DROSHA: variants seen among roughly 807,000 people sequenced by gnomAD.
DROSHA encodes drosha ribonuclease III.
Under a neutral mutation model 181.9 loss-of-function variants are expected in DROSHA, and 56 were observed. The ratio of observed to expected loss-of-function variants is 0.31; its 90% CI spans 0.25 to 0.38. DROSHA has a LOEUF of 0.38. Among genes scored for constraint, DROSHA ranks in the 10% least tolerant of loss-of-function variants. The pLI is 1.00. For missense variants in DROSHA, 1,218 were observed against 1,743.5 expected (o/e 0.70, Z 5.37); for synonymous variants, 524 against 591.2 (o/e 0.89, Z 1.65).
At chr5:31,461,598 T>G (rs1748408736) in intron 20 of DROSHA, among the ~76,000 whole-genome samples, 1 of 152,130 alleles carries the variant, frequency 6.6e-6, no homozygotes, top group Non-Finnish European at 1.5e-5. Flanking sequence ...CAGTTACCAC[T>G]TCAAACAGTT....
rs545917535 is a variant in DROSHA at position 31,526,164 on chromosome 5, C to A, written c.769G>T (p.Asp257Tyr). ...TACCGGCTGTCTTGTCTTCTCCTGT[C>A]GGGACTGCGGCCTCGCTCCCGCCGA... is the stretch of plus-strand genomic sequence containing the variant. The part of the protein sequence containing the change: ...LDRRERGRSP[D>Y]RRRQDSRYRS... Residue 257 changes from aspartate to tyrosine, a missense_variant, in exon 5 of 36, where the codon GAC becomes TAC. Asp to Tyr is a radical substitution (Grantham distance 160). Around this residue, in one of 8 missense-constraint regions of DROSHA, gnomAD observed 536 missense variants for 535.4 expected, o/e 1.00. Coordinates refer to ENST00000344624, the MANE Select transcript of DROSHA (RefSeq NM_001382508.1). 7 of 1,613,634 alleles carry A rather than the reference C, an allele frequency of 4.3e-6. No individual in the cohort carries two copies. Among genetic ancestry groups the A allele is most frequent in the Non-Finnish European group, 5.9e-6 (7 of 1,179,840 alleles).
chr5:31,489,276 T>A (rs906437094), intron 13 of DROSHA, among the ~76,000 whole-genome samples: 1 of 152,228 alleles, frequency 6.6e-6, no homozygotes, highest in African/African-American at 2.4e-5. Context: ...CTTGCTATCA[T>A]AGGAAAAAGC....
chr5:31,508,800 C>T lies in DROSHA; in HGVS notation c.1433-25G>A, dbSNP rs200455504. 5 of 1,590,772 alleles carry T rather than the reference C, an allele frequency of 3.1e-6. No individual in the cohort carries two copies. The African/African-American group carries it at 4.1e-5, about 13-fold the overall frequency. On this transcript the variant is annotated intron_variant, in intron 9 of 35. Coordinates refer to ENST00000344624, the MANE Select transcript of DROSHA (RefSeq NM_001382508.1). ...TCTAACAGGGGTTGGGAGAAAAATA[C>T]AGAAATTGATGGAATTAACAAACTG...
At chr5:31,510,350 C>A (rs1738529217) in intron 9 of DROSHA, among the ~76,000 whole-genome samples, 1 of 152,104 alleles carries the variant, frequency 6.6e-6, no homozygotes, top group South Asian at 2.1e-4. Flanking sequence ...CATCCAACTC[C>A]CAACTCAGGT....
intron 6 of DROSHA, among the ~76,000 whole-genome samples, chr5:31,519,535 T>G (rs144976339): frequency 6.6e-6 from 1 of 152,304 alleles, no homozygotes; most frequent in African/African-American, 2.4e-5. Flanking sequence ...ACCATGTTTT[T>G]AATTACCATG....
At chr5:31,428,168 AAC>A (rs1401519028) in intron 27 of DROSHA, among the ~76,000 whole-genome samples, 1 of 152,116 alleles carries the variant, frequency 6.6e-6, no homozygotes, top group Admixed American at 6.6e-5. Flanking sequence ...AAAGAATCTA[AAC>A]ACAGACTGAT....
intron 4 of DROSHA, 48 bp downstream of exon 4, chr5:31,528,992 C>T (rs770102793): frequency 1.1e-5 from 17 of 1,609,352 alleles, no homozygotes; most frequent in African/African-American, 1.3e-5. Flanking sequence ...AATGTCTGCT[C>T]CTCTCTCGGT....
At chr5:31,509,455 C>T (rs921588922) in intron 9 of DROSHA, among the ~76,000 whole-genome samples, 1 of 152,074 alleles carries the variant, frequency 6.6e-6, no homozygotes, top group South Asian at 2.1e-4. Flanking sequence ...GTGATAATTT[C>T]AAAGAAGGAG....
chr5:31,523,999 C>CA (rs74335989), intron 5 of DROSHA, among the ~76,000 whole-genome samples: 24 of 133,076 alleles, frequency 1.8e-4, no homozygotes, highest in Admixed American at 1.0e-3. Context: ...AAAAAAACAA[C>CA]AAAAAAAAAA....
chr5:31,479,555 A>T (rs1450476998), intron 16 of DROSHA, among the ~76,000 whole-genome samples: 4 of 152,196 alleles, frequency 2.6e-5, no homozygotes, highest in Non-Finnish European at 5.9e-5. Flanking sequence ...AAATTTCATA[A>T]ATATGATACA....
chr5:31,426,790 G>T (rs950879021), intron 27 of DROSHA, among the ~76,000 whole-genome samples: 2 of 152,108 alleles, frequency 1.3e-5, no homozygotes, highest in Admixed American at 1.3e-4. Context: ...AGCAAGAAAG[G>T]CCCTAACCAA....
intron 20 of DROSHA, among the ~76,000 whole-genome samples, chr5:31,462,643 G>GAA (rs397883162): frequency 1.2e-4 from 16 of 135,870 alleles, no homozygotes; most frequent in East Asian, 2.5e-4. Context: ...TTCACAAAAA[G>GAA]AAAAAAAAAG....
chr5:31,472,309 GA>G (rs901516348), intron 16 of DROSHA, 77 bp from the exon 17 acceptor site: 2 of 1,442,384 alleles, frequency 1.4e-6, no homozygotes, highest in Admixed American at 2.5e-5. Flanking sequence ...ACTGAATAAG[GA>G]AAAAAACAAG....
intron 20 of DROSHA, among the ~76,000 whole-genome samples, chr5:31,452,474 T>C (rs1747144715): frequency 1.3e-5 from 2 of 152,216 alleles, no homozygotes; most frequent in Admixed American, 1.3e-4. Flanking sequence ...GATAATTTCA[T>C]GGAAGTCATA....
intron 27 of DROSHA, among the ~76,000 whole-genome samples, chr5:31,425,211 G>GT (rs1332528907): frequency 6.0e-5 from 9 of 151,240 alleles, no homozygotes; most frequent in Non-Finnish European, 7.4e-5. Context: ...AAATATTTAA[G>GT]TTTTTTTTTA....
At chr5:31,466,891 C>A (rs1346985018) in intron 18 of DROSHA, among the ~76,000 whole-genome samples, 1 of 152,164 alleles carries the variant, frequency 6.6e-6, no homozygotes, top group East Asian at 1.9e-4. Flanking sequence ...CTAGACCAGT[C>A]TAAAGGATAC....
intron 3 of DROSHA, 83 bp from the exon 4 acceptor site, chr5:31,529,188 C>T (rs1740933060): frequency 1.6e-6 from 2 of 1,260,920 alleles, no homozygotes; most frequent in Admixed American, 4.2e-5. Flanking sequence ...ATTACCATAA[C>T]ACTAATTTTG....
intron 6 of DROSHA, among the ~76,000 whole-genome samples, chr5:31,518,248 A>G (rs949408213): frequency 2.3e-4 from 35 of 152,224 alleles, no homozygotes; most frequent in African/African-American, 8.2e-4. Flanking sequence ...AAAATAAGGT[A>G]TTATAATCTT....
rs756971051 is a variant in DROSHA at position 31,409,255 on chromosome 5, A to G, written c.3745T>C (p.Leu1249=). The G allele has an allele frequency of 2.8e-5, 44 of 1,597,368 alleles. No homozygotes were observed. Among genetic ancestry groups the G allele is most frequent in the Admixed American group, 8.7e-5 (5 of 57,256 alleles). ...TFMNVCFFPR[L]KEFILNQDWN... ...CAAACTTTATATGAGCTTACTTTCA[A>G]TCGTGGAAAGAAGCAGACATTCATG... The change falls in exon 32 of 36, where the codon TTG becomes CTG. Residue 1249 remains leucine (L), a synonymous_variant. Transcript: ENST00000344624. The surrounding 1 kb of genome is among the most constrained non-coding windows in gnomAD (Gnocchi z 4.0).
Sources: allele counts gnomAD v4.1 joint callset (sites outside exome capture counted in the v4.1 genomes callset), GRCh38; gene constraint gnomAD v4.1.1; regional missense constraint gnomAD v4.1.1; non-coding constraint Gnocchi (gnomAD v3.1); transcripts MANE v1.5; gene names NCBI Gene and HGNC (gene_info 2026-07-23, HGNC 2026-07-21).